LRRC8D: variants seen among roughly 807,000 people sequenced by gnomAD.
LRRC8D encodes volume-regulated anion channel subunit LRRC8D.
In LRRC8D, 20 loss-of-function variants were observed where a neutral mutation model predicts 55.8. That is an observed-to-expected ratio of 0.36 (90% CI 0.25 to 0.52). The LOEUF is 0.52. Ranked by LOEUF, LRRC8D falls within the 20% of genes least tolerant of loss-of-function variation. The probability of loss-of-function intolerance (pLI) is 0.93; values close to 1 mark genes in which losing one functional copy is unlikely to be tolerated. For missense variants in LRRC8D, 651 were observed against 1,030.8 expected (o/e 0.63, Z 5.05); for synonymous variants, 352 against 377.0 (o/e 0.93, Z 0.77).
chr1:89,936,337 T>C lies in LRRC8D; in HGVS notation c.*692T>C, dbSNP rs970356911. 1.2e-5 allele frequency: 2 copies of C among 167,048 alleles called. No homozygotes were observed. The highest frequency in any genetic ancestry group is 6.5e-5 in the Admixed American group (1 of 15,286). 10.3% of individuals were successfully genotyped at this position (167,048 alleles called of 1,614,324 possible). A position where few individuals can be genotyped will look rare whatever the true frequency, so the allele number is the denominator to read the frequency against. On this transcript the variant is annotated 3_prime_UTR_variant, in exon 3 of 3. Transcript: ENST00000337338. ...TAATAATAGCTTTTTTGACATAGTT[T>C]GGAGTTCTGATTATATGGTACATTT...
intron 2 of LRRC8D, among the ~76,000 whole-genome samples, chr1:89,932,859 A>G (rs534945436): frequency 1.8e-4 from 28 of 152,326 alleles, no homozygotes; most frequent in Non-Finnish European, 3.4e-4. Flanking sequence ...CTAGAATGCA[A>G]TTCTTACTCA....
chr1:89,881,060 A>T (rs898503607), intron 2 of LRRC8D, among the ~76,000 whole-genome samples: 3 of 152,176 alleles, frequency 2.0e-5, no homozygotes, highest in Non-Finnish European at 4.4e-5. Context: ...ACAGAATGAA[A>T]AGCAAGTTCT....
At chr1:89,839,210 C>T (rs1003072338) in intron 1 of LRRC8D, among the ~76,000 whole-genome samples, 43 of 152,200 alleles carry the variant, frequency 2.8e-4, no homozygotes, top group African/African-American at 9.9e-4. Flanking sequence ...AATGACACCT[C>T]CCTGCGAAGG....
chr1:89,886,616 T>C (rs940397605), intron 2 of LRRC8D, among the ~76,000 whole-genome samples: 1 of 152,228 alleles, frequency 6.6e-6, no homozygotes, highest in Non-Finnish European at 1.5e-5. Context: ...CCTCAGTTTT[T>C]ATCTCAAAAC....
At chr1:89,868,836 G>T (rs1309233077) in intron 2 of LRRC8D, among the ~76,000 whole-genome samples, 1 of 152,176 alleles carries the variant, frequency 6.6e-6, no homozygotes. Context: ...TTAGTCTGCT[G>T]CAGTAATTGG....
chr1:89,890,402 C>T (rs773698636), intron 2 of LRRC8D, among the ~76,000 whole-genome samples: 1 of 152,188 alleles, frequency 6.6e-6, no homozygotes, highest in Non-Finnish European at 1.5e-5. Context: ...TTCCTGGTTA[C>T]AGCCAACTTT....
At chr1:89,899,235 G>A (rs1662788508) in intron 2 of LRRC8D, among the ~76,000 whole-genome samples, 1 of 152,234 alleles carries the variant, frequency 6.6e-6, no homozygotes, top group East Asian at 1.9e-4. Context: ...GTGCAGCTGT[G>A]CTGAAAACCA....
intron 2 of LRRC8D, among the ~76,000 whole-genome samples, chr1:89,870,522 A>G (rs1416604825): frequency 6.6e-6 from 1 of 152,114 alleles, no homozygotes; most frequent in Admixed American, 6.5e-5. Flanking sequence ...TCCTGGCCTC[A>G]GTTTTCTAAG....
intron 2 of LRRC8D, among the ~76,000 whole-genome samples, chr1:89,860,785 A>AATATAT (rs35932362): frequency 0.062 from 1,755 of 28,134 alleles, 136 homozygotes; most frequent in Non-Finnish European, 0.088. Flanking sequence ...AAAAAAAAAA[A>AATATAT]ATATATATAT....
intron 1 of LRRC8D, among the ~76,000 whole-genome samples, chr1:89,823,035 A>G (rs913806645): frequency 2.6e-5 from 4 of 152,192 alleles, no homozygotes; most frequent in East Asian, 3.8e-4. Flanking sequence ...TAGGTAATCT[A>G]TGGAGCCAGG....
In LRRC8D at chr1:89,935,724, T is replaced by C. The variant is rs1286966783; in HGVS notation, c.*79T>C. ...TGCTCACGTACAAGTTATTACAAGA[T>C]AATGCATTTTAGGAGTAGATACATC... On this transcript the variant is annotated 3_prime_UTR_variant, in exon 3 of 3. Coordinates refer to ENST00000337338, the MANE Select transcript of LRRC8D (RefSeq NM_001134479.2). The C allele has an allele frequency of 8.3e-6, 11 of 1,320,678 alleles. No individual in the cohort carries two copies. Among genetic ancestry groups the C allele is most frequent in the Non-Finnish European group, 1.2e-5 (11 of 943,262 alleles). The allele number at this position is 1,320,678 out of a possible 1,614,324, so 81.8% of individuals were successfully genotyped here. A position where few individuals can be genotyped will look rare whatever the true frequency, so the allele number is the denominator to read the frequency against.
intron 2 of LRRC8D, among the ~76,000 whole-genome samples, chr1:89,908,772 C>T (rs985542859): frequency 9.2e-5 from 14 of 152,150 alleles, no homozygotes; most frequent in African/African-American, 3.4e-4. Context: ...ATATGTGGGT[C>T]CAGGCAGGAG....
intron 2 of LRRC8D, among the ~76,000 whole-genome samples, chr1:89,899,058 G>A (rs1350179027): frequency 6.6e-6 from 1 of 152,136 alleles, no homozygotes; most frequent in South Asian, 2.1e-4. Context: ...CTTCAGCTTC[G>A]GAAACACCCA....
chr1:89,834,064 A>T (rs1660946925), intron 1 of LRRC8D, among the ~76,000 whole-genome samples: 3 of 152,174 alleles, frequency 2.0e-5, no homozygotes, highest in Admixed American at 2.0e-4. Context: ...AGGGACACTG[A>T]CGGGGTTTGT....
intron 2 of LRRC8D, among the ~76,000 whole-genome samples, chr1:89,850,703 A>G (rs1276489642): frequency 6.6e-6 from 1 of 152,184 alleles, no homozygotes; most frequent in Non-Finnish European, 1.5e-5. Flanking sequence ...ATTGATGGAC[A>G]TTTAGGTTGA....
intron 1 of LRRC8D, among the ~76,000 whole-genome samples, chr1:89,825,836 A>T (rs1660748496): frequency 6.6e-6 from 1 of 152,202 alleles, no homozygotes; most frequent in South Asian, 2.1e-4. Context: ...TATCCAGTGA[A>T]CTAGATTTAA....
chr1:89,934,463 A>G lies in LRRC8D; in HGVS notation c.1395A>G (p.Ser465=), dbSNP rs776399174. Residue 465 remains serine (S), a synonymous_variant, in exon 3 of 3, where the codon TCA becomes TCG. Transcript: ENST00000337338. This position sits in a 1 kb window ranked among gnomAD's most constrained non-coding sequence, Gnocchi z 5.9. ...WTFEKLRQHI[S]RNAQDKQELH... is the part of the protein sequence containing the mutation. ...TTGAAAAACTCAGGCAGCACATTTC[A>G]CGCAACGCCCAGGACAAGCAGGAGT... 6.2e-7 allele frequency: 1 copy of G among 1,614,134 alleles called. No individual in the cohort carries two copies. The highest frequency in any genetic ancestry group is 8.5e-7 in the Non-Finnish European group (1 of 1,180,016).
chr1:89,826,917 A>G (rs1284235230), intron 1 of LRRC8D, among the ~76,000 whole-genome samples: 1 of 152,192 alleles, frequency 6.6e-6, no homozygotes, highest in East Asian at 1.9e-4. Context: ...GTGGTTGGGT[A>G]TTAAGGGGAA....
At chr1:89,922,757 C>T (rs56035101) in intron 2 of LRRC8D, among the ~76,000 whole-genome samples, 1 of 152,148 alleles carries the variant, frequency 6.6e-6, no homozygotes, top group African/African-American at 2.4e-5. Context: ...TGAATAGTTA[C>T]AATAGGCTAC....
Sources: allele counts gnomAD v4.1 joint callset (sites outside exome capture counted in the v4.1 genomes callset), GRCh38; gene constraint gnomAD v4.1.1; non-coding constraint Gnocchi (gnomAD v3.1); transcripts MANE v1.5; gene names NCBI Gene and HGNC (gene_info 2026-07-23, HGNC 2026-07-21).